The following PDLIM5 variants were observed in gnomAD, a reference collection of about 807,000 sequenced individuals.
PDLIM5 encodes PDZ and LIM domain protein 5.
In PDLIM5, 34 loss-of-function variants were observed where a neutral mutation model predicts 64.2. That is an observed-to-expected ratio of 0.53 (90% CI 0.40 to 0.71). The LOEUF is 0.71. PDLIM5 is among the 30% of genes least tolerant of loss of function. The probability of loss-of-function intolerance (pLI) is 0.00; values close to 1 mark genes in which losing one functional copy is unlikely to be tolerated. For missense variants in PDLIM5, 683 were observed against 733.6 expected (o/e 0.93, Z 0.80); for synonymous variants, 253 against 269.1 (o/e 0.94, Z 0.59).
At chr4:94,626,359 A>G (rs891937223) in intron 8 of PDLIM5, among the ~76,000 whole-genome samples, 2 of 152,238 alleles carry the variant, frequency 1.3e-5, no homozygotes, top group Non-Finnish European at 1.5e-5. Flanking sequence ...TTTAAAATTT[A>G]AATAGGCATT....
Position 94,529,799 on chromosome 4 carries a change from G to C in PDLIM5, c.248+5924G>C, listed in dbSNP as rs3805287. Among the ~76,000 whole-genome samples the C allele has an allele frequency of 5.4e-4, 82 of 152,224 alleles. No individual in the cohort carries two copies. In the East Asian group the frequency reaches 0.015, roughly 29 times the overall value. Reference sequence around the variant, plus strand: ...CCTGGCCGTGAAACTAATTCTAGGAGTACTGCAACTGAACTATAAAAAATT... The same window carrying C: ...CCTGGCCGTGAAACTAATTCTAGGACTACTGCAACTGAACTATAAAAAATT... On this transcript the variant is annotated intron_variant, in intron 3 of 12. Coordinates refer to ENST00000317968, the MANE Select transcript of PDLIM5 (RefSeq NM_006457.5).
At chr4:94,461,468 T>G (rs773802501) in intron 2 of PDLIM5, among the ~76,000 whole-genome samples, 6 of 152,174 alleles carry the variant, frequency 3.9e-5, no homozygotes, top group Non-Finnish European at 7.3e-5. Flanking sequence ...GTTTGGTTCC[T>G]TAATTAACAG....
chr4:94,530,042 G>T (rs2452575), intron 3 of PDLIM5, among the ~76,000 whole-genome samples: 92,426 of 151,986 alleles, frequency 0.61, 30,584 homozygotes, highest in African/African-American at 0.89. Context: ...TGAAAAAGGT[G>T]TTTAACTGTT....
intron 2 of PDLIM5, chr4:94,456,528 A>G (rs779363955): frequency 2.8e-5 from 20 of 717,074 alleles, no homozygotes; most frequent in Non-Finnish European, 4.8e-5. Flanking sequence ...TTTTTTTTGC[A>G]ACAATTTACC....
chr4:94,590,786 T>G (rs913173284), intron 7 of PDLIM5, among the ~76,000 whole-genome samples: 2 of 152,170 alleles, frequency 1.3e-5, no homozygotes, highest in Admixed American at 6.5e-5. Context: ...ACAGAACTCC[T>G]GTACATAGAC....
At chr4:94,515,431 T>TTCTTTTA (rs1359694369) in intron 2 of PDLIM5, among the ~76,000 whole-genome samples, 6 of 152,204 alleles carry the variant, frequency 3.9e-5, no homozygotes, top group Admixed American at 3.9e-4. Context: ...AAGCATTCTG[T>TTCTTTTA]TTTAAAAGTT....
At chr4:94,494,429 C>CTTTTTTTTTTTTTTTTTTTT (rs1261064734) in intron 2 of PDLIM5, among the ~76,000 whole-genome samples, 6 of 51,602 alleles carry the variant, frequency 1.2e-4, no homozygotes, top group African/African-American at 2.9e-4. Context: ...TTTTTTTTTT[C>CTTTTTTTTTTTTTTTTTTTT]TTGTTTTTTT....
intron 2 of PDLIM5, among the ~76,000 whole-genome samples, chr4:94,480,549 A>C (rs571486296): frequency 8.4e-4 from 128 of 152,312 alleles, no homozygotes; most frequent in Non-Finnish European, 1.4e-3. Flanking sequence ...TCTGTCTGGC[A>C]GGAGTGAAAA....
At chr4:94,494,432 G>GTTT (rs61675663) in intron 2 of PDLIM5, among the ~76,000 whole-genome samples, 94 of 70,768 alleles carry the variant, frequency 1.3e-3, no homozygotes, top group Middle Eastern at 0.012. Flanking sequence ...TTTTTTTCTT[G>GTTT]TTTTTTTTTT....
chr4:94,634,369 A>G (rs1740392798), intron 8 of PDLIM5, among the ~76,000 whole-genome samples: 1 of 152,126 alleles, frequency 6.6e-6, no homozygotes, highest in Non-Finnish European at 1.5e-5. Flanking sequence ...TCATCTTCCA[A>G]CACCAAACTT....
chr4:94,648,511 T>C (rs1741590808), intron 9 of PDLIM5, among the ~76,000 whole-genome samples: 1 of 152,076 alleles, frequency 6.6e-6, no homozygotes, highest in Admixed American at 6.6e-5. Context: ...GTAGAGACAG[T>C]CTGGCCTCGA....
At chr4:94,556,853 G>A (rs1177581748) in intron 3 of PDLIM5, among the ~76,000 whole-genome samples, 1 of 152,092 alleles carries the variant, frequency 6.6e-6, no homozygotes, top group Non-Finnish European at 1.5e-5. Flanking sequence ...CATTCTGTAG[G>A]TTGCCTGTTC....
At chr4:94,518,840 T>A (rs182282099) in intron 2 of PDLIM5, among the ~76,000 whole-genome samples, 7 of 152,260 alleles carry the variant, frequency 4.6e-5, no homozygotes, top group African/African-American at 1.7e-4. Flanking sequence ...ATGGTCTTGG[T>A]TCCCTCCTCT....
chr4:94,663,990 A>G lies in PDLIM5; in HGVS notation c.1714A>G (p.Ser572Gly), dbSNP rs1179793624. The change falls in exon 13 of 13, where the codon AGT becomes GGT. Residue 572 changes from serine to glycine, a missense_variant. By Grantham distance (56) the Ser-to-Gly change is moderately conservative. Coordinates refer to ENST00000317968, the MANE Select transcript of PDLIM5 (RefSeq NM_006457.5). Reference sequence around the variant, plus strand: ...GCTTCTTTTTCAGGTGTGTTGTGAAAGTTTGGAAGGTCAGACCTTTTTCTC... The same window carrying G: ...GCTTCTTTTTCAGGTGTGTTGTGAAGGTTTGGAAGGTCAGACCTTTTTCTC... Reference protein sequence around the residue: ...TCFVCSVCCESLEGQTFFSKK... With the variant: ...TCFVCSVCCEGLEGQTFFSKK... 1.2e-6 allele frequency: 2 copies of G among 1,602,868 alleles called. No homozygotes were observed. The highest frequency in any genetic ancestry group is 1.7e-6 in the Non-Finnish European group (2 of 1,171,370).
intron 7 of PDLIM5, among the ~76,000 whole-genome samples, chr4:94,591,616 G>A (rs937329966): frequency 3.3e-5 from 5 of 152,232 alleles, no homozygotes; most frequent in African/African-American, 4.8e-5. Flanking sequence ...AGTGGGAAGA[G>A]AGGGAAGTAA....
intron 3 of PDLIM5, among the ~76,000 whole-genome samples, chr4:94,572,684 G>A (rs1734908796): frequency 6.6e-6 from 1 of 152,064 alleles, no homozygotes; most frequent in Admixed American, 6.5e-5. Flanking sequence ...ACTTATTACT[G>A]ATGACCTGTT....
At chr4:94,651,263 G>T (rs1465501002) in intron 9 of PDLIM5, among the ~76,000 whole-genome samples, 2 of 152,192 alleles carry the variant, frequency 1.3e-5, no homozygotes, top group African/African-American at 4.8e-5. Context: ...GCCAGTAGTT[G>T]CCCTGAGCAT....
chr4:94,569,781 C>G (rs1198685884), intron 3 of PDLIM5, among the ~76,000 whole-genome samples: 1 of 152,158 alleles, frequency 6.6e-6, no homozygotes, highest in East Asian at 1.9e-4. Flanking sequence ...TTTGTTTCCA[C>G]TTATGCTACT....
In PDLIM5 at chr4:94,530,510, AATATAT is replaced by A. The variant is rs36209951; in HGVS notation, c.248+6667_248+6672del. ...TAAATTAATCCTCTTGGAATCACAGAATATATATATATATATATATATATATATATA... is the reference window on the plus strand; with the variant it reads ...TAAATTAATCCTCTTGGAATCACAGAATATATATATATATATATATATATA... On this transcript the variant is annotated intron_variant, in intron 3 of 12. Coordinates refer to ENST00000317968, the MANE Select transcript of PDLIM5 (RefSeq NM_006457.5). 7.0e-3 allele frequency among the ~76,000 whole-genome samples: 988 copies of A among 140,534 alleles called. 15 individuals are homozygous for A. Among genetic ancestry groups the A allele is most frequent in the African/African-American group, 0.025 (894 of 35,150 alleles). 92.2% of individuals were successfully genotyped at this position (140,534 alleles called of 152,430 possible). A position where few individuals can be genotyped will look rare whatever the true frequency, so the allele number is the denominator to read the frequency against.
Sources: gnomAD v4.1 joint callset for allele counts (sites outside exome capture counted in the v4.1 genomes callset) on GRCh38, gnomAD v4.1.1 for gene constraint, MANE v1.5 for transcripts, NCBI Gene and HGNC (gene_info 2026-07-23, HGNC 2026-07-21) for gene names.